The following MGAT4C variants were observed in gnomAD, a reference collection of about 807,000 sequenced individuals.
MGAT4C encodes the protein MGAT4 family member C.
A neutral mutation model predicts 40.1 loss-of-function variants in MGAT4C; 19 were observed. The ratio of observed to expected loss-of-function variants is 0.47; its 90% CI spans 0.33 to 0.70. The LOEUF is 0.70. Ranked by LOEUF, MGAT4C falls within the 30% of genes least tolerant of loss-of-function variation. The probability of loss-of-function intolerance (pLI) is 0.02; values close to 1 mark genes in which losing one functional copy is unlikely to be tolerated. For synonymous variants in MGAT4C, 181 were observed against 187.1 expected (o/e 0.97, Z 0.27); for missense variants, 491 against 563.2 (o/e 0.87, Z 1.30).
chr12:86,238,496 TAGC>T (rs941934615), intron 1 of MGAT4C, among the ~76,000 whole-genome samples: 4 of 152,056 alleles, frequency 2.6e-5, no homozygotes. Flanking sequence ...GTTTCAGGGT[TAGC>T]AGTTACAAAG....
chr12:86,438,289 A>G (rs577386713), intron 2 of MGAT4C, among the ~76,000 whole-genome samples: 2 of 152,110 alleles, frequency 1.3e-5, no homozygotes, highest in East Asian at 3.9e-4. Context: ...GGCCCTAATT[A>G]TCTTTAATTC....
chr12:86,238,230 C>A (rs536704560), intron 1 of MGAT4C, among the ~76,000 whole-genome samples: 14 of 151,916 alleles, frequency 9.2e-5, no homozygotes, highest in Non-Finnish European at 1.8e-4. Flanking sequence ...CAGTACATTG[C>A]ATAGTCAAGT....
At position 86,295,785 on chromosome 12, in the gene MGAT4C, C is replaced by G. The variant is rs2136133535; in HGVS notation, c.-57+38280G>C. ...TACAGAGTTTCGACATACAGGTTCT[C>G]CAAGGCCCCACGAGAGCAGCTAGAT... On this transcript the variant is annotated intron_variant, in intron 4 of 7. Transcript: ENST00000548651. Among the ~76,000 whole-genome samples, 3 of 152,242 alleles carry G rather than the reference C, an allele frequency of 2.0e-5. No individual in the cohort carries two copies. The South Asian group carries it at 6.2e-4, about 32-fold the overall frequency.
intron 1 of MGAT4C, among the ~76,000 whole-genome samples, chr12:86,134,971 C>A (rs1881739968): frequency 6.6e-6 from 1 of 152,108 alleles, no homozygotes; most frequent in Non-Finnish European, 1.5e-5. Flanking sequence ...TCACCAGGAA[C>A]AAATCTATAG....
At chr12:86,588,072 A>T (rs1961145146) in intron 2 of MGAT4C, among the ~76,000 whole-genome samples, 1 of 151,844 alleles carries the variant, frequency 6.6e-6, no homozygotes, top group African/African-American at 2.4e-5. Flanking sequence ...TCAGTATGAT[A>T]TTGGCTGTGG....
intron 2 of MGAT4C, among the ~76,000 whole-genome samples, chr12:86,613,279 T>C (rs146548701): frequency 6.6e-6 from 1 of 152,302 alleles, no homozygotes; most frequent in African/African-American, 2.4e-5. Flanking sequence ...TTACTTAATA[T>C]GAATTTTCTC....
At chr12:86,175,485 A>G (rs1215844664) in intron 1 of MGAT4C, among the ~76,000 whole-genome samples, 1 of 152,136 alleles carries the variant, frequency 6.6e-6, no homozygotes, top group Admixed American at 6.6e-5. Context: ...TATTAAATCC[A>G]TTCTTTTGTT....
chr12:86,220,139 C>A (rs912750202), intron 1 of MGAT4C, among the ~76,000 whole-genome samples: 3 of 152,034 alleles, frequency 2.0e-5, no homozygotes, highest in Non-Finnish European at 4.4e-5. Context: ...AACTCCAGAA[C>A]CTTGGGACTG....
At chr12:86,053,421 C>A (rs1893082528) in intron 1 of MGAT4C, among the ~76,000 whole-genome samples, 1 of 151,762 alleles carries the variant, frequency 6.6e-6, no homozygotes, top group South Asian at 2.1e-4. Flanking sequence ...ATCCCCTGGG[C>A]AGTATTCAAA....
chr12:86,266,530 T>G (rs898760128), intron 4 of MGAT4C, among the ~76,000 whole-genome samples: 4 of 152,166 alleles, frequency 2.6e-5, no homozygotes, highest in African/African-American at 9.7e-5. Flanking sequence ...GCTGTTGTAT[T>G]TGGTTTGCTA....
At chr12:86,538,275 T>A (rs566320352) in intron 2 of MGAT4C, among the ~76,000 whole-genome samples, 2 of 152,188 alleles carry the variant, frequency 1.3e-5, no homozygotes, top group African/African-American at 4.8e-5. Context: ...AGAGAGGAAT[T>A]AGATATTCAA....
At chr12:86,171,744 A>T (rs578207626) in intron 1 of MGAT4C, among the ~76,000 whole-genome samples, 2 of 152,288 alleles carry the variant, frequency 1.3e-5, no homozygotes, top group East Asian at 1.9e-4. Flanking sequence ...TTGGCTCATG[A>T]ATTCCAGCAA....
chr12:86,743,116 A>ATGTGTGTGTG (rs60215418), intron 1 of MGAT4C, among the ~76,000 whole-genome samples: 374 of 144,574 alleles, frequency 2.6e-3, no homozygotes, highest in African/African-American at 9.2e-3. Context: ...GTGTGTATGC[A>ATGTGTGTGTG]TGTGTGTGTG....
chr12:86,454,253 G>C (rs1449989480), intron 2 of MGAT4C, among the ~76,000 whole-genome samples: 7 of 151,692 alleles, frequency 4.6e-5, no homozygotes, highest in Non-Finnish European at 1.0e-4. Context: ...TTTAAGACAG[G>C]GTCTCACCCT....
intron 2 of MGAT4C, among the ~76,000 whole-genome samples, chr12:86,039,060 C>A (rs1185059116): frequency 6.5e-5 from 9 of 139,234 alleles, no homozygotes; most frequent in Non-Finnish European, 1.7e-5. Flanking sequence ...AATATTGGCC[C>A]CACTCTCTTC....
intron 2 of MGAT4C, among the ~76,000 whole-genome samples, chr12:86,618,598 C>T (rs1305524223): frequency 6.6e-6 from 1 of 152,056 alleles, no homozygotes; most frequent in South Asian, 2.1e-4. Context: ...ATATCATGTT[C>T]TCACTCATAC....
At chr12:86,527,200 G>C (rs565213106) in intron 2 of MGAT4C, among the ~76,000 whole-genome samples, 45 of 152,262 alleles carry the variant, frequency 3.0e-4, no homozygotes, top group Non-Finnish European at 5.3e-4. Flanking sequence ...TGAGAGATAA[G>C]GGTCTAGTTT....
At position 86,166,095 on chromosome 12, in the gene MGAT4C, A is replaced by C. The variant is rs1886162270; in HGVS notation, c.-57+90144T>G. ...GCTACTTTGCTGTCTGCAACTTGTT[A>C]CTTTTATTATCTTTGAGTCATATCT... On this transcript the variant is annotated intron_variant, in intron 1 of 4. Coordinates refer to ENST00000611864, the MANE Select transcript of MGAT4C (RefSeq NM_001351288.2). Among the ~76,000 whole-genome samples the C allele has an allele frequency of 2.0e-5, 3 of 152,200 alleles. No individual in the cohort carries two copies. In the South Asian group the frequency reaches 6.2e-4, roughly 32 times the overall value.
chr12:86,614,059 A>C (rs1962370381), intron 2 of MGAT4C, among the ~76,000 whole-genome samples: 1 of 152,174 alleles, frequency 6.6e-6, no homozygotes, highest in South Asian at 2.1e-4. Context: ...ATTGCTAAAA[A>C]TGGAATGTAA....
Sources: gnomAD v4.1 joint callset for allele counts (sites outside exome capture counted in the v4.1 genomes callset) on GRCh38, gnomAD v4.1.1 for gene constraint, MANE v1.5 for transcripts, NCBI Gene and HGNC (gene_info 2026-07-23, HGNC 2026-07-21) for gene names.